MORF4L1: variants seen among roughly 807,000 people sequenced by gnomAD.
The protein encoded by MORF4L1 is mortality factor 4 like 1.
In MORF4L1, 4 loss-of-function variants were observed where a neutral mutation model predicts 52.9. The ratio of observed to expected loss-of-function variants is 0.08; its 90% confidence interval spans 0.04 to 0.17. The LOEUF is 0.17. Ranked by LOEUF, MORF4L1 falls within the 10% of genes least tolerant of loss-of-function variation. The pLI is 1.00. For synonymous variants in MORF4L1, 123 were observed against 134.8 expected (o/e 0.91, Z 0.61); for missense variants, 214 against 390.4 (o/e 0.55, Z 3.81).
At chr15:78,895,180 T>C (rs534168032) in intron 11 of MORF4L1, among the ~76,000 whole-genome samples, 1 of 152,330 alleles carries the variant, frequency 6.6e-6, no homozygotes, top group Non-Finnish European at 1.5e-5. Flanking sequence ...ACACTTGTCA[T>C]GTACCAAAAT....
intron 3 of MORF4L1, among the ~76,000 whole-genome samples, chr15:78,884,171 TC>T (rs1196949906): frequency 6.8e-6 from 1 of 146,444 alleles, no homozygotes; most frequent in Admixed American, 7.0e-5. Context: ...GCCACTGCAC[TC>T]CAGCCTGGGC....
At chr15:78,877,582 C>G (rs2056519311) in intron 1 of MORF4L1, among the ~76,000 whole-genome samples, 2 of 152,306 alleles carry the variant, frequency 1.3e-5, no homozygotes, top group Middle Eastern at 6.8e-3. Flanking sequence ...TCCAAGACTT[C>G]CAGGTCCTGA....
intron 1 of MORF4L1, 159 bp downstream of exon 1, chr15:78,873,216 C>T: frequency 2.0e-6 from 3 of 1,514,578 alleles, no homozygotes; most frequent in Non-Finnish European, 2.6e-6. Flanking sequence ...GATGGCAATT[C>T]CGGTGCGTCA....
In MORF4L1 at chr15:78,892,099, A is replaced by G; in HGVS notation, c.439-113A>G. On this transcript the variant is annotated intron_variant, in intron 7 of 11. Transcript: ENST00000426013. ...TTTTAAAAAATGACAGTACAGCTGTATGCTTGGCTACTTTAAGATTTATCC... is the reference window on the plus strand; with the variant it reads ...TTTTAAAAAATGACAGTACAGCTGTGTGCTTGGCTACTTTAAGATTTATCC... 9.4e-6 allele frequency: 6 copies of G among 636,530 alleles called. No homozygotes were observed. In the South Asian group the frequency reaches 1.3e-4, roughly 13 times the overall value. 39.4% of individuals were successfully genotyped at this position (636,530 alleles called of 1,614,324 possible). A position where few individuals can be genotyped will look rare whatever the true frequency, so the allele number is the denominator to read the frequency against.
At chr15:78,874,112 A>T (rs2056430801) in intron 1 of MORF4L1, among the ~76,000 whole-genome samples, 1 of 150,030 alleles carries the variant, frequency 6.7e-6, no homozygotes, top group African/African-American at 2.4e-5. Context: ...CAGTTAACGT[A>T]TAATAAGGTG....
intron 5 of MORF4L1, among the ~76,000 whole-genome samples, chr15:78,889,160 T>G (rs375296837): frequency 6.6e-6 from 1 of 152,162 alleles, no homozygotes; most frequent in Non-Finnish European, 1.5e-5. Context: ...GCTTTAAAAT[T>G]TAAATTTCCC....
At chr15:78,885,605 T>A (rs948282136) in intron 3 of MORF4L1, among the ~76,000 whole-genome samples, 12 of 152,266 alleles carry the variant, frequency 7.9e-5, no homozygotes, top group Non-Finnish European at 2.9e-5. Context: ...AATATGTTTC[T>A]GACATACCTT....
intron 3 of MORF4L1, among the ~76,000 whole-genome samples, chr15:78,882,292 G>A (rs2056617144): frequency 6.6e-6 from 1 of 152,126 alleles, no homozygotes; most frequent in South Asian, 2.1e-4. Flanking sequence ...TCTAGCCTGA[G>A]TGACAGAGCA....
At chr15:78,893,736 A>G in intron 9 of MORF4L1, 109 bp downstream of exon 9, 1 of 748,874 alleles carries the variant, frequency 1.3e-6, no homozygotes, top group Non-Finnish European at 2.2e-6. Context: ...ACCAGAAACT[A>G]GCAAAATAGA....
chr15:78,877,148 C>T (rs1303394358), intron 1 of MORF4L1, among the ~76,000 whole-genome samples: 1 of 114,760 alleles, frequency 8.7e-6, no homozygotes, highest in African/African-American at 3.4e-5. Flanking sequence ...TTTGAGAGGG[C>T]GGCTCCTTCT....
At position 78,896,417 on chromosome 15, in the gene MORF4L1, TCTC is replaced by T. The variant is rs569109900; in HGVS notation, c.888-563_888-561del. 2.2e-3 allele frequency among the ~76,000 whole-genome samples: 327 copies of T among 148,222 alleles called. 1 individual carries two copies. The Middle Eastern group carries it at 0.027, about 12-fold the overall frequency. On this transcript the variant is annotated intron_variant, in intron 11 of 11. Coordinates refer to ENST00000426013, the MANE Select transcript of MORF4L1 (RefSeq NM_006791.4). ...ACCTCTGCCTCCAGGTTCAAGCAAT[TCTC>T]CTGCCTCAGCCTCCCGAGTATCTGG...
intron 6 of MORF4L1, chr15:78,891,245 G>A: frequency 4.5e-6 from 3 of 666,000 alleles, no homozygotes; most frequent in Non-Finnish European, 7.8e-6. Flanking sequence ...CTCCCACTGA[G>A]AAGATAACAT....
At chr15:78,879,625 A>G (rs1176437131) in intron 2 of MORF4L1, among the ~76,000 whole-genome samples, 12 of 152,048 alleles carry the variant, frequency 7.9e-5, no homozygotes, top group Non-Finnish European at 1.5e-5. Flanking sequence ...TAATGATATA[A>G]TGTTTGTAAG....
chr15:78,883,266 G>A (rs1220819095), intron 3 of MORF4L1, among the ~76,000 whole-genome samples: 1 of 150,602 alleles, frequency 6.6e-6, no homozygotes, highest in Non-Finnish European at 1.5e-5. Context: ...ACTACGACAA[G>A]GGAATAGAAT....
At chr15:78,881,732 T>C (rs1040013195) in intron 3 of MORF4L1, among the ~76,000 whole-genome samples, 1 of 152,236 alleles carries the variant, frequency 6.6e-6, no homozygotes, top group African/African-American at 2.4e-5. Context: ...TTTTACATTT[T>C]ATTAATGATG....
intron 11 of MORF4L1, among the ~76,000 whole-genome samples, chr15:78,896,042 G>T (rs1029956353): frequency 6.6e-6 from 1 of 151,964 alleles, no homozygotes; most frequent in East Asian, 1.9e-4. Context: ...GCAGTGATGC[G>T]ATCACAGCTC....
At chr15:78,874,724 C>T (rs1283962379) in intron 1 of MORF4L1, among the ~76,000 whole-genome samples, 1 of 151,058 alleles carries the variant, frequency 6.6e-6, no homozygotes, top group Non-Finnish European at 1.5e-5. Context: ...AGGCATCGCT[C>T]TCGGCCGTGT....
chr15:78,891,401 A>G, intron 6 of MORF4L1, 83 bp from the exon 7 acceptor site: 1 of 1,000,618 alleles, frequency 1.0e-6, no homozygotes, highest in Non-Finnish European at 1.5e-6. Flanking sequence ...AATAATGAAA[A>G]GGGTTAATGT....
chr15:78,891,295 A>G (rs1311516067), intron 6 of MORF4L1, 189 bp from the exon 7 acceptor site: 2 of 654,006 alleles, frequency 3.1e-6, no homozygotes, highest in African/African-American at 3.7e-5. Context: ...AATGTTGTCT[A>G]TACTAAATGT....
Sources: gnomAD v4.1 joint callset for allele counts (sites outside exome capture counted in the v4.1 genomes callset) on GRCh38, gnomAD v4.1.1 for gene constraint, MANE v1.5 for transcripts, NCBI Gene and HGNC (gene_info 2026-07-23, HGNC 2026-07-21) for gene names.